IHH: variants seen among roughly 807,000 people sequenced by gnomAD.
The protein encoded by IHH is indian hedgehog protein.
IHH carries 9 observed loss-of-function variants against 29.4 expected under a neutral mutation model. The ratio of observed to expected loss-of-function variants is 0.31; its 90% CI spans 0.18 to 0.53. IHH has a LOEUF of 0.53. IHH is among the 20% of genes least tolerant of loss of function. IHH has a pLI of 0.95. For synonymous variants in IHH, 254 were observed against 252.7 expected (o/e 1.01, Z -0.05); for missense variants, 454 against 578.1 (o/e 0.79, Z 2.20).
chr2:219,055,195 G>T lies in IHH; in HGVS notation c.*12C>A, dbSNP rs768067625. 2 of 1,557,766 alleles carry T rather than the reference G, an allele frequency of 1.3e-6. No homozygotes were observed. Among genetic ancestry groups the T allele is most frequent in the Middle Eastern group, 1.7e-4 (1 of 5,994 alleles). On this transcript the variant is annotated 3_prime_UTR_variant, in exon 3 of 3. Coordinates refer to ENST00000295731, the MANE Select transcript of IHH (RefSeq NM_002181.4). ...AGTACAGCAGTTCCAGGAGGGCAGC[G>T]GTGGAGTCCTTTCAGCTCCCTGCCC... is the stretch of plus-strand genomic sequence containing the variant.
intron 2 of IHH, among the ~76,000 whole-genome samples, chr2:219,056,849 C>A (rs778118733): frequency 6.6e-6 from 1 of 152,214 alleles, no homozygotes; most frequent in African/African-American, 2.4e-5. Context: ...ATCAACAATG[C>A]GGCCAATCTG....
At position 219,055,448 on chromosome 2, in the gene IHH, A is replaced by C; in HGVS notation, c.995T>G (p.Leu332Arg). The change falls in exon 3 of 3, where the codon CTC becomes CGC. Residue 332 changes from leucine to arginine, a missense_variant. This residue lies in a region of IHH where 271 missense variants were observed against 315.9 expected (regional missense o/e 0.86). Coordinates refer to ENST00000295731, the MANE Select transcript of IHH (RefSeq NM_002181.4). ...CACCACCAGTGTCCCATGCTTTGTG[A>C]GCGGGGCGTAGGCCCCGAGGGCCAC... ...THVALGAYAP[L>R]TKHGTLVVED... 1 of 1,612,060 alleles carries C rather than the reference A, an allele frequency of 6.2e-7. No homozygotes were observed. Among genetic ancestry groups the C allele is most frequent in the Non-Finnish European group, 8.5e-7 (1 of 1,179,034 alleles).
chr2:219,060,133 G>A lies in IHH; in HGVS notation c.315+20C>T. 6.3e-7 allele frequency: 1 copy of A among 1,593,414 alleles called. No individual in the cohort carries two copies. Among genetic ancestry groups the A allele is most frequent in the Non-Finnish European group, 8.6e-7 (1 of 1,167,430 alleles). On this transcript the variant is annotated intron_variant, in intron 1 of 2. Coordinates refer to ENST00000295731, the MANE Select transcript of IHH (RefSeq NM_002181.4). This position sits in a 1 kb window ranked among gnomAD's most constrained non-coding sequence, Gnocchi z 8.8. The stretch of plus-strand genomic sequence containing the variant: ...GCCGTGCTTCGGTGGCGGCGCGCTG[G>A]TAGGGCGGATCGCGCTCACCTGGGT...
rs530913185 is a variant in IHH, at chr2:219,055,144, C to G, written c.*63G>C. ...TCAGGTCCCTTCCAGGGCCAGCTCC[C>G]TCCTGGCTGAGAGGCTTCTGGACCC... On this transcript the variant is annotated 3_prime_UTR_variant, in exon 3 of 3. Coordinates refer to ENST00000295731, the MANE Select transcript of IHH (RefSeq NM_002181.4). 1.3e-6 allele frequency: 2 copies of G among 1,530,866 alleles called. No individual in the cohort carries two copies. The highest frequency in any genetic ancestry group is 1.8e-6 in the Non-Finnish European group (2 of 1,129,920). 94.8% of individuals were successfully genotyped at this position (1,530,866 alleles called of 1,614,324 possible). A position where few individuals can be genotyped will look rare whatever the true frequency, so the allele number is the denominator to read the frequency against.
At position 219,055,162 on chromosome 2, in the gene IHH, C is replaced by G. The variant is rs1948817786; in HGVS notation, c.*45G>C. On this transcript the variant is annotated 3_prime_UTR_variant, in exon 3 of 3. Coordinates refer to ENST00000295731, the MANE Select transcript of IHH (RefSeq NM_002181.4). ...CAGCTCCCTCCTGGCTGAGAGGCTT[C>G]TGGACCCAGTACAGCAGTTCCAGGA... 1.3e-6 allele frequency: 2 copies of G among 1,548,258 alleles called. No homozygotes were observed. The highest frequency in any genetic ancestry group is 1.7e-6 in the Non-Finnish European group (2 of 1,145,170).
At position 219,059,714 on chromosome 2, in the gene IHH, C is replaced by G. The variant is rs199790112; in HGVS notation, c.315+439G>C. 1.3e-5 allele frequency among the ~76,000 whole-genome samples: 2 copies of G among 152,304 alleles called. No homozygotes were observed. Among genetic ancestry groups the G allele is most frequent in the East Asian group, 3.9e-4 (2 of 5,170 alleles). On this transcript the variant is annotated intron_variant, in intron 1 of 2. Coordinates refer to ENST00000295731, the MANE Select transcript of IHH (RefSeq NM_002181.4). The surrounding 1 kb of genome is among the most constrained non-coding windows in gnomAD (Gnocchi z 4.7). Reference sequence around the variant, plus strand: ...ACAGGGAGGAAAGGCCGTGGTGACCCTACGCACCCAGAGATTCTTTGCCTC... The same window carrying G: ...ACAGGGAGGAAAGGCCGTGGTGACCGTACGCACCCAGAGATTCTTTGCCTC...
chr2:219,056,043 GC>G (rs766371672), intron 2 of IHH, among the ~76,000 whole-genome samples, 178 bp from the exon 3 acceptor site: 9 of 143,556 alleles, frequency 6.3e-5, no homozygotes, highest in Admixed American at 5.0e-4. Flanking sequence ...ATACTTCACT[GC>G]CCCCATCCCC....
Position 219,059,267 on chromosome 2 carries a change from G to A in IHH, c.315+886C>T, listed in dbSNP as rs1384886376. Among the ~76,000 whole-genome samples the A allele has an allele frequency of 6.6e-6, 1 of 152,212 alleles. No individual in the cohort carries two copies. The highest frequency in any genetic ancestry group is 1.5e-5 in the Non-Finnish European group (1 of 68,028). On this transcript the variant is annotated intron_variant, in intron 1 of 2. Transcript: ENST00000295731. This position sits in a 1 kb window ranked among gnomAD's most constrained non-coding sequence, Gnocchi z 4.7. ...GAAAGCCAGGGGCCTGCTTTCAGGGGGAAGCCTCGGGAGACCCCGAAGGAA... is the reference window on the plus strand; with the variant it reads ...GAAAGCCAGGGGCCTGCTTTCAGGGAGAAGCCTCGGGAGACCCCGAAGGAA...
intron 1 of IHH, among the ~76,000 whole-genome samples, chr2:219,058,087 A>T (rs1218715268): frequency 6.6e-6 from 1 of 152,174 alleles, no homozygotes; most frequent in Non-Finnish European, 1.5e-5. Context: ...AGGGCCAGCC[A>T]GCGGCCGGGA....
chr2:219,060,418 A>T lies in IHH; in HGVS notation c.50T>A (p.Leu17Ter). 1 of 1,596,350 alleles carries T rather than the reference A, an allele frequency of 6.3e-7. No individual in the cohort carries two copies. Among genetic ancestry groups the T allele is most frequent in the Non-Finnish European group, 8.5e-7 (1 of 1,175,764 alleles). The part of the protein sequence containing the change: ...RPRLHFCLVL[L>*]LLLVVPAAWG... Reference sequence around the variant, plus strand: ...TGCCGCCGGCACCACCAGCAGCAGCAACAGGACCAGGCAGAAGTGCAGTCG... The same window carrying T: ...TGCCGCCGGCACCACCAGCAGCAGCTACAGGACCAGGCAGAAGTGCAGTCG... Residue 17 changes from leucine to a stop codon, truncating the protein, a stop_gained, in exon 1 of 3, where the codon TTG becomes TAG. Transcript: ENST00000295731. LOFTEE classifies it high-confidence loss of function. This position sits in a 1 kb window ranked among gnomAD's most constrained non-coding sequence, Gnocchi z 8.8.
rs555364371 is a variant in IHH, at chr2:219,057,452, C to A, written c.558G>T (p.Val186=). Reference sequence around the variant, plus strand: ...GCTCACCGGACTTGACGGAGCAATGCACGTGGGCCTTTGACTCGTAATACA... The same window carrying A: ...GCTCACCGGACTTGACGGAGCAATGAACGTGGGCCTTTGACTCGTAATACA... The part of the protein sequence containing the change: ...DWVYYESKAH[V]HCSVKSEHSA... The change falls in exon 2 of 3, where the codon GTG becomes GTT. Residue 186 remains valine (V), a synonymous_variant. Coordinates refer to ENST00000295731, the MANE Select transcript of IHH (RefSeq NM_002181.4). 1 of 1,585,940 alleles carries A rather than the reference C, an allele frequency of 6.3e-7. No homozygotes were observed. The highest frequency in any genetic ancestry group is 8.6e-7 in the Non-Finnish European group (1 of 1,166,616).
Position 219,055,260 on chromosome 2 carries a change from G to C in IHH, c.1183C>G (p.Leu395Val), listed in dbSNP as rs894789291. ...GGGTGGAAGCTGCCCTCTTCTAGCAGGAGACGCCCCAGGCGGTAGAGCAGC... is the reference window on the plus strand; with the variant it reads ...GGGTGGAAGCTGCCCTCTTCTAGCACGAGACGCCCCAGGCGGTAGAGCAGC... ...PQLLYRLGRL[L>V]LEEGSFHPLG... The change falls in exon 3 of 3, where the codon CTG becomes GTG. Residue 395 changes from leucine to valine, a missense_variant. Transcript: ENST00000295731. The C allele has an allele frequency of 6.2e-7, 1 of 1,608,084 alleles. No homozygotes were observed. Among genetic ancestry groups the C allele is most frequent in the Non-Finnish European group, 8.5e-7 (1 of 1,177,758 alleles).
intron 2 of IHH, 83 bp downstream of exon 2, chr2:219,057,350 G>A (rs918926154): frequency 7.0e-6 from 10 of 1,436,794 alleles, no homozygotes; most frequent in Non-Finnish European, 9.4e-6. Context: ...TCCCCGGGCG[G>A]GCTCTTCACC....
chr2:219,057,797 A>G (rs1438119605), intron 1 of IHH, 103 bp from the exon 2 acceptor site: 1 of 1,488,366 alleles, frequency 6.7e-7, no homozygotes, highest in Non-Finnish European at 9.2e-7. Context: ...CTCCCGCCAC[A>G]CCCAAGGGAG....
Position 219,060,491 on chromosome 2 carries a change from CG to C in IHH, c.-25del. On this transcript the variant is annotated 5_prime_UTR_variant, in exon 1 of 3. Coordinates refer to ENST00000295731, the MANE Select transcript of IHH (RefSeq NM_002181.4). The surrounding 1 kb of genome is among the most constrained non-coding windows in gnomAD (Gnocchi z 8.8). ...ATGGCCGGGGAGCCCGGGGGAGCGG[CG>C]GGCGAGGTCTCCTGGTGGGCTGATG... is the stretch of plus-strand genomic sequence containing the variant. 5.6e-6 allele frequency: 8 copies of C among 1,433,994 alleles called. No individual in the cohort carries two copies. Among genetic ancestry groups the C allele is most frequent in the Non-Finnish European group, 7.3e-6 (8 of 1,098,188 alleles). 88.8% of individuals were successfully genotyped at this position (1,433,994 alleles called of 1,614,324 possible). A position where few individuals can be genotyped will look rare whatever the true frequency, so the allele number is the denominator to read the frequency against.
chr2:219,055,143 C>T lies in IHH; in HGVS notation c.*64G>A. 4 of 1,525,274 alleles carry T rather than the reference C, an allele frequency of 2.6e-6. No homozygotes were observed. Among genetic ancestry groups the T allele is most frequent in the Non-Finnish European group, 3.6e-6 (4 of 1,124,952 alleles). The allele number at this position is 1,525,274 out of a possible 1,614,324, so 94.5% of individuals were successfully genotyped here. On this transcript the variant is annotated 3_prime_UTR_variant, in exon 3 of 3. Transcript: ENST00000295731. The stretch of plus-strand genomic sequence containing the variant: ...CTCAGGTCCCTTCCAGGGCCAGCTC[C>T]CTCCTGGCTGAGAGGCTTCTGGACC...
In IHH at chr2:219,060,119, G is replaced by A; in HGVS notation, c.315+34C>T. 14 of 1,584,390 alleles carry A rather than the reference G, an allele frequency of 8.8e-6. No individual in the cohort carries two copies. Among genetic ancestry groups the A allele is most frequent in the Non-Finnish European group, 1.2e-5 (14 of 1,161,626 alleles). ...GGGCCGGGCAGGTGGCCGTGCTTCG[G>A]TGGCGGCGCGCTGGTAGGGCGGATC... On this transcript the variant is annotated intron_variant, in intron 1 of 2. Coordinates refer to ENST00000295731, the MANE Select transcript of IHH (RefSeq NM_002181.4). This position sits in a 1 kb window ranked among gnomAD's most constrained non-coding sequence, Gnocchi z 8.8.
At position 219,055,606 on chromosome 2, in the gene IHH, C is replaced by T. The variant is rs763928869; in HGVS notation, c.837G>A (p.Thr279=). ...LALTPAHLLF[T]ADNHTEPAAR... is the part of the protein sequence containing the mutation. ...CTGCCGGCTCCGTGTGATTGTCAGC[C>T]GTAAAGAGCAGGTGAGCGGGTGTGA... is the stretch of plus-strand genomic sequence containing the variant. The change falls in exon 3 of 3, where the codon ACG becomes ACA. Residue 279 remains threonine, a synonymous_variant. Transcript: ENST00000295731. 39 of 1,613,942 alleles carry T rather than the reference C, an allele frequency of 2.4e-5. No individual in the cohort carries two copies. In the Middle Eastern group the frequency reaches 4.9e-4, roughly 20 times the overall value.
rs1334302726 is a variant in IHH, at chr2:219,060,374, G to A, written c.94C>T (p.Arg32Trp). The A allele has an allele frequency of 3.7e-6, 6 of 1,603,738 alleles. No homozygotes were observed. The highest frequency in any genetic ancestry group is 5.1e-6 in the Non-Finnish European group (6 of 1,178,412). ...VPAAWGCGPG[R>W]VVGSRRRPPR... ...GGTCGCCGGCGGCTGCCCACCACCCGACCCGGCCCGCAGCCCCATGCCGCC... is the reference window on the plus strand; with the variant it reads ...GGTCGCCGGCGGCTGCCCACCACCCAACCCGGCCCGCAGCCCCATGCCGCC... The change falls in exon 1 of 3, where the codon CGG (arginine) becomes TGG (tryptophan). Residue 32 changes from arginine to tryptophan, a missense_variant. Physicochemically the swap from Arg to Trp is moderately radical, Grantham distance 101 (BLOSUM62 -3). Around this residue, in one of 3 missense-constraint regions of IHH, gnomAD observed 113 missense variants for 122.1 expected, o/e 0.93. Coordinates refer to ENST00000295731, the MANE Select transcript of IHH (RefSeq NM_002181.4). The surrounding 1 kb of genome is among the most constrained non-coding windows in gnomAD (Gnocchi z 8.8).
Sources: gnomAD v4.1 joint callset for allele counts (sites outside exome capture counted in the v4.1 genomes callset) on GRCh38, gnomAD v4.1.1 for gene constraint, gnomAD v4.1.1 regional missense constraint, Gnocchi (gnomAD v3.1) non-coding constraint, MANE v1.5 for transcripts, NCBI Gene and HGNC (gene_info 2026-07-23, HGNC 2026-07-21) for gene names.